Variants in AKT3 observed in about 807,000 individuals in gnomAD.
AKT3 encodes the protein RAC-gamma serine/threonine-protein kinase.
Under a neutral mutation model 65.3 loss-of-function variants are expected in AKT3, and 15 were observed. The observed-to-expected ratio is 0.23, with a 90% CI of 0.15 to 0.35. AKT3 has a LOEUF of 0.35. Ranked by LOEUF, AKT3 falls within the 10% of genes least tolerant of loss-of-function variation. AKT3 has a pLI of 1.00. For missense variants in AKT3, 243 were observed against 576.5 expected, an observed-to-expected ratio of 0.42 and a Z score of 5.92; for synonymous variants, 206 against 183.8, an observed-to-expected ratio of 1.12 and a Z score of -0.98.
intron 2 of AKT3, among the ~76,000 whole-genome samples, chr1:243,825,290 T>C (rs1243843482): frequency 6.6e-6 from 1 of 152,158 alleles, no homozygotes; most frequent in East Asian, 1.9e-4. Flanking sequence ...AAATAGCTAA[T>C]GCATGTTGGG....
chr1:243,667,156 G>A (rs1220274869), intron 3 of AKT3, among the ~76,000 whole-genome samples: 1 of 152,192 alleles, frequency 6.6e-6, no homozygotes, highest in Non-Finnish European at 1.5e-5. Context: ...ACTACTGTAA[G>A]TGGGAGACCA....
chr1:243,638,828 T>TA (rs1018125745), intron 5 of AKT3, among the ~76,000 whole-genome samples: 63 of 149,226 alleles, frequency 4.2e-4, no homozygotes, highest in African/African-American at 1.1e-3. Context: ...TTAACAAACT[T>TA]AAAAAAAAAG....
rs1267501590 is a variant in AKT3 at position 243,490,472 on chromosome 1, A to G, written c.*7-2022T>C. Among the ~76,000 whole-genome samples, 4 of 152,222 alleles carry G rather than the reference A, an allele frequency of 2.6e-5. No individual in the cohort carries two copies. The East Asian group carries it at 7.7e-4, about 29-fold the overall frequency. ...GATTCTGGACGACACTACATTTTGA[A>G]AACCTCTGAAGTGTTTGGAGCTGGA... On this transcript the variant is annotated intron_variant, in intron 13 of 13. Transcript: ENST00000336199.
chr1:243,497,133 G>A (rs1489186643), downstream of AKT3, among the ~76,000 whole-genome samples: 1 of 152,138 alleles, frequency 6.6e-6, no homozygotes, highest in Non-Finnish European at 1.5e-5. Flanking sequence ...AGGACTTCCT[G>A]GAAATAAGCA....
chr1:243,492,222 T>A (rs1574403890), intron 13 of AKT3, among the ~76,000 whole-genome samples: 1 of 135,982 alleles, frequency 7.4e-6, no homozygotes, highest in Non-Finnish European at 1.5e-5. Context: ...ACCCCCATCC[T>A]CCCCGCTCCC....
At chr1:243,746,922 AG>A in intron 2 of AKT3, among the ~76,000 whole-genome samples, 1 of 152,296 alleles carries the variant, frequency 6.6e-6, no homozygotes, top group Admixed American at 6.5e-5. Context: ...AGTACAGGAA[AG>A]GAACAACTGC....
chr1:243,736,807 C>T (rs1687873403), intron 2 of AKT3, among the ~76,000 whole-genome samples: 1 of 152,162 alleles, frequency 6.6e-6, no homozygotes, highest in Non-Finnish European at 1.5e-5. Context: ...GTCCACGTAA[C>T]TTCATCCAGA....
At chr1:243,533,922 G>A (rs534911845) in intron 12 of AKT3, among the ~76,000 whole-genome samples, 4 of 152,272 alleles carry the variant, frequency 2.6e-5, no homozygotes, top group Admixed American at 2.6e-4. Context: ...GCCGGGAGGC[G>A]GAGCTTGCAG....
chr1:243,641,641 A>T (rs1680404146), intron 5 of AKT3, among the ~76,000 whole-genome samples: 1 of 152,148 alleles, frequency 6.6e-6, no homozygotes, highest in Non-Finnish European at 1.5e-5. Context: ...TAAGAATTGC[A>T]ATCCTTATTC....
intron 2 of AKT3, among the ~76,000 whole-genome samples, chr1:243,824,622 C>T (rs4480340): frequency 6.6e-6 from 1 of 151,898 alleles, no homozygotes; most frequent in East Asian, 1.9e-4. Context: ...CAAAAGAAGG[C>T]ATACATGCAG....
chr1:243,628,576 A>G (rs1679361156), intron 6 of AKT3, among the ~76,000 whole-genome samples: 1 of 152,140 alleles, frequency 6.6e-6, no homozygotes, highest in Non-Finnish European at 1.5e-5. Context: ...AAGTGTTGAG[A>G]CTGCAGCCAT....
chr1:243,580,986 G>T (rs1675302112), intron 8 of AKT3, among the ~76,000 whole-genome samples: 1 of 152,240 alleles, frequency 6.6e-6, no homozygotes, highest in South Asian at 2.1e-4. Context: ...CCTATGCAGA[G>T]ATCTTAGTGC....
Position 243,499,910 on chromosome 1 carries a change from G to A in AKT3, c.*5339C>T, listed in dbSNP as rs372086684. ...TGACACCGCCTCAGCCTGCAGTGGG[G>A]CTGGTCCTCATCAACGCGGGCGCTG... On this transcript the variant is annotated 3_prime_UTR_variant, in exon 14 of 14. Coordinates refer to ENST00000673466, the MANE Select transcript of AKT3 (RefSeq NM_005465.7). 90 of 903,256 alleles carry A rather than the reference G, an allele frequency of 1.0e-4. No individual in the cohort carries two copies. The highest frequency in any genetic ancestry group is 4.9e-4 in the African/African-American group (30 of 60,812). 56.0% of individuals were successfully genotyped at this position (903,256 alleles called of 1,614,324 possible).
At chr1:243,615,736 C>T (rs975009210) in intron 6 of AKT3, among the ~76,000 whole-genome samples, 4 of 151,598 alleles carry the variant, frequency 2.6e-5, no homozygotes, top group Admixed American at 6.6e-5. Context: ...TTTTAATTTG[C>T]GTCTTAATTT....
chr1:243,573,145 T>C (rs958481673), intron 8 of AKT3, 97 bp from the exon 9 acceptor site: 1 of 1,399,250 alleles, frequency 7.1e-7, no homozygotes, highest in Non-Finnish European at 9.8e-7. Flanking sequence ...CATATTGTGA[T>C]GATAGATAGT....
chr1:243,727,915 G>A (rs955712289), intron 2 of AKT3, among the ~76,000 whole-genome samples: 2 of 152,162 alleles, frequency 1.3e-5, no homozygotes, highest in Non-Finnish European at 2.9e-5. Flanking sequence ...TGTTTTATAA[G>A]AATTGACCTG....
At chr1:243,818,522 A>G (rs1195651358) in intron 2 of AKT3, among the ~76,000 whole-genome samples, 2 of 152,214 alleles carry the variant, frequency 1.3e-5, no homozygotes, top group African/African-American at 4.8e-5. Context: ...CCTCAAAAGT[A>G]TAAGGCAATA....
At chr1:243,627,772 T>C (rs896361627) in intron 6 of AKT3, among the ~76,000 whole-genome samples, 1 of 152,216 alleles carries the variant, frequency 6.6e-6, no homozygotes, top group Non-Finnish European at 1.5e-5. Flanking sequence ...TACATAACCA[T>C]GAAAGTAAAC....
At chr1:243,824,981 A>G (rs1203448600) in intron 2 of AKT3, among the ~76,000 whole-genome samples, 2 of 152,244 alleles carry the variant, frequency 1.3e-5, no homozygotes, top group African/African-American at 2.4e-5. Context: ...TATTCCTGAT[A>G]GCAAAGACAT....
Sources: allele counts gnomAD v4.1 joint callset (sites outside exome capture counted in the v4.1 genomes callset), GRCh38; gene constraint gnomAD v4.1.1; transcripts MANE v1.5; gene names NCBI Gene and HGNC (gene_info 2026-07-23, HGNC 2026-07-21).